ZMPSTE24: variants seen among roughly 807,000 people sequenced by gnomAD.
The protein encoded by ZMPSTE24 is CAAX prenyl protease 1 homolog.
ZMPSTE24 carries 48 observed loss-of-function variants against 56.7 expected under a neutral mutation model. The observed-to-expected ratio is 0.85, with a 90% confidence interval of 0.67 to 1.08. ZMPSTE24 has a LOEUF of 1.08. Among genes scored for constraint, ZMPSTE24 ranks in the 50% least tolerant of loss-of-function variants. ZMPSTE24 has a pLI of 0.00. For synonymous variants in ZMPSTE24, 172 were observed against 195.2 expected, an observed-to-expected ratio of 0.88 and a Z score of 0.99; for missense variants, 503 against 548.7, an observed-to-expected ratio of 0.92 and a Z score of 0.83.
At chr1:40,282,817 C>G (rs889605806) in intron 7 of ZMPSTE24, among the ~76,000 whole-genome samples, 10 of 152,170 alleles carry the variant, frequency 6.6e-5, no homozygotes, top group Admixed American at 2.6e-4. Flanking sequence ...CCCCTACAAC[C>G]TCTACAAATT....
chr1:40,270,023 CAG>C lies in ZMPSTE24; in HGVS notation c.524_525del (p.Gln175LeufsTer15). On this transcript the variant is annotated frameshift_variant, in exon 5 of 10. Coordinates refer to ENST00000372759, the MANE Select transcript of ZMPSTE24 (RefSeq NM_005857.5). LOFTEE classifies it high-confidence loss of function. ...TGCAATCAAGAAATTTGTTGTGACT[CAG>C]TGTATTTTGTTGCCTGTGTCTTCAC... ...KDAIKKFVVT[Q>X]CILLPVSSLL... 6.2e-7 allele frequency: 1 copy of C among 1,613,850 alleles called. No homozygotes were observed. Among genetic ancestry groups the C allele is most frequent in the South Asian group, 1.1e-5 (1 of 90,972 alleles).
intron 6 of ZMPSTE24, among the ~76,000 whole-genome samples, chr1:40,277,848 A>G (rs1425470085): frequency 6.6e-6 from 1 of 151,332 alleles, no homozygotes; most frequent in African/African-American, 2.4e-5. Flanking sequence ...GTGTGCATGT[A>G]ATCCCAGCTA....
intron 6 of ZMPSTE24, among the ~76,000 whole-genome samples, chr1:40,278,679 G>T (rs866270610): frequency 2.0e-5 from 3 of 149,040 alleles, no homozygotes; most frequent in African/African-American, 7.4e-5. Context: ...AATTAAGAAA[G>T]TTTTCTAAAT....
intron 6 of ZMPSTE24, among the ~76,000 whole-genome samples, chr1:40,273,867 T>C (rs1167561286): frequency 2.6e-5 from 4 of 152,014 alleles, no homozygotes; most frequent in African/African-American, 9.7e-5. Context: ...AGGTAGTCAA[T>C]AGAATATGTG....
chr1:40,291,948 C>T (rs1330342035), intron 9 of ZMPSTE24, among the ~76,000 whole-genome samples: 1 of 151,002 alleles, frequency 6.6e-6, no homozygotes, highest in East Asian at 2.0e-4. Flanking sequence ...TCAAGCAATT[C>T]TCCTGCCTCA....
intron 5 of ZMPSTE24, among the ~76,000 whole-genome samples, chr1:40,271,444 T>C (rs1275386728): frequency 6.6e-6 from 1 of 152,224 alleles, no homozygotes; most frequent in Non-Finnish European, 1.5e-5. Context: ...GTAATTAATT[T>C]TAGCTGATAA....
At chr1:40,276,969 G>A (rs375634553) in intron 6 of ZMPSTE24, among the ~76,000 whole-genome samples, 1 of 152,130 alleles carries the variant, frequency 6.6e-6, no homozygotes, top group Admixed American at 6.5e-5. Context: ...TTATAATTTT[G>A]TGGGACCACT....
At chr1:40,259,665 C>T (rs1643475287) in intron 1 of ZMPSTE24, 1 of 152,222 alleles carries the variant, frequency 6.6e-6, no homozygotes, top group Non-Finnish European at 1.5e-5. Context: ...AGCACAGTAG[C>T]ATCATCATAG....
chr1:40,260,823 C>A lies in ZMPSTE24; in HGVS notation c.124-16C>A. 3.1e-6 allele frequency: 5 copies of A among 1,611,088 alleles called. No homozygotes were observed. The highest frequency in any genetic ancestry group is 4.2e-6 in the Non-Finnish European group (5 of 1,177,710). On this transcript the variant is annotated splice_polypyrimidine_tract_variant and intron_variant, in intron 1 of 9. Coordinates refer to ENST00000372759, the MANE Select transcript of ZMPSTE24 (RefSeq NM_005857.5). ...AACAACTATTTCACTAAAGTGTTTT[C>A]TTTAAAATATTTCAGAGAAGGATAT...
intron 6 of ZMPSTE24, 142 bp downstream of exon 6, chr1:40,272,177 C>G (rs1393363318): frequency 1.0e-6 from 1 of 975,686 alleles, no homozygotes; most frequent in Non-Finnish European, 1.4e-6. Flanking sequence ...AGGAGTTTAC[C>G]TTTTGGCTTT....
At position 40,270,079 on chromosome 1, in the gene ZMPSTE24, T is replaced by C. The variant is rs1643598437; in HGVS notation, c.579T>C (p.Gly193=). 1.9e-6 allele frequency: 3 copies of C among 1,613,780 alleles called. No homozygotes were observed. The highest frequency in any genetic ancestry group is 1.7e-5 in the Admixed American group (1 of 59,968). The change falls in exon 5 of 10, where the codon GGT becomes GGC. Residue 193 remains glycine (G), a synonymous_variant. Coordinates refer to ENST00000372759, the MANE Select transcript of ZMPSTE24 (RefSeq NM_005857.5). ...TACTTTACATTATTAAAATTGGGGG[T>C]GACTATTTTTTTATTTATGCCTGGC... is the stretch of plus-strand genomic sequence containing the variant. ...SLLLYIIKIG[G]DYFFIYAWLF...
At chr1:40,289,366 T>A (rs1643817491) in intron 8 of ZMPSTE24, among the ~76,000 whole-genome samples, 1 of 152,260 alleles carries the variant, frequency 6.6e-6, no homozygotes, top group Non-Finnish European at 1.5e-5. Flanking sequence ...GAATTCAGTC[T>A]GTAGTAGGGC....
At chr1:40,262,855 C>T in intron 2 of ZMPSTE24, 1 of 1,143,108 alleles carries the variant, frequency 8.7e-7, no homozygotes, top group Non-Finnish European at 1.1e-6. Flanking sequence ...TGTTGAACAA[C>T]TTAACAACAC....
At chr1:40,290,804 A>G in intron 8 of ZMPSTE24, 50 bp from the exon 9 acceptor site, 2 of 1,598,130 alleles carry the variant, frequency 1.3e-6, no homozygotes, top group Non-Finnish European at 1.7e-6. Flanking sequence ...CTGATCCCAT[A>G]GTGAAATCAG....
At chr1:40,272,924 G>T (rs909565494) in intron 6 of ZMPSTE24, among the ~76,000 whole-genome samples, 1 of 152,148 alleles carries the variant, frequency 6.6e-6, no homozygotes, top group Non-Finnish European at 1.5e-5. Flanking sequence ...AGCTTTGCGG[G>T]CCACTTGTTC....
chr1:40,290,828 T>G (rs368186981), intron 8 of ZMPSTE24, 26 bp from the exon 9 acceptor site: 117 of 1,612,282 alleles, frequency 7.3e-5, no homozygotes, highest in Non-Finnish European at 9.5e-5. Context: ...GGTAATAACT[T>G]AGAAATTTCA....
chr1:40,275,009 G>A, intron 6 of ZMPSTE24, among the ~76,000 whole-genome samples: 1 of 151,960 alleles, frequency 6.6e-6, no homozygotes, highest in East Asian at 1.9e-4. Flanking sequence ...GGTTTGTGGG[G>A]AATTAAGACT....
At chr1:40,281,685 TCAC>T (rs1012654297) in intron 7 of ZMPSTE24, among the ~76,000 whole-genome samples, 158 bp downstream of exon 7, 12 of 152,188 alleles carry the variant, frequency 7.9e-5, no homozygotes, top group African/African-American at 2.9e-4. Flanking sequence ...TTAGGAGAGA[TCAC>T]CACTATTATT....
chr1:40,269,055 G>A (rs1643585515), intron 4 of ZMPSTE24, among the ~76,000 whole-genome samples: 1 of 120,600 alleles, frequency 8.3e-6, no homozygotes, highest in African/African-American at 3.2e-5. Context: ...CAGCCTGGGT[G>A]ACAGCAAGAC....
Sources: gnomAD v4.1 joint callset for allele counts (sites outside exome capture counted in the v4.1 genomes callset) on GRCh38, gnomAD v4.1.1 for gene constraint, MANE v1.5 for transcripts, NCBI Gene and HGNC (gene_info 2026-07-23, HGNC 2026-07-21) for gene names.